The following MYO10 variants were observed in gnomAD, a reference collection of about 807,000 sequenced individuals.
MYO10 encodes the protein unconventional myosin-X.
A neutral mutation model predicts 257.3 loss-of-function variants in MYO10; 133 were observed. The observed-to-expected ratio is 0.52, with a 90% confidence interval of 0.45 to 0.60. The LOEUF is 0.60. MYO10 is among the 20% of genes least tolerant of loss of function. The pLI is 0.00. For synonymous variants in MYO10, 1,104 were observed against 1,028.6 expected (o/e 1.07, Z -1.40); for missense variants, 2,399 against 2,635.7 (o/e 0.91, Z 1.97).
At chr5:16,883,109 G>C (rs1309776338) in intron 1 of MYO10, among the ~76,000 whole-genome samples, 1 of 151,928 alleles carries the variant, frequency 6.6e-6, no homozygotes, top group East Asian at 1.9e-4. Context: ...TAGAGACGAG[G>C]TTTCACCGTG....
At chr5:16,842,453 C>A (rs775238679) in intron 2 of MYO10, among the ~76,000 whole-genome samples, 3 of 152,162 alleles carry the variant, frequency 2.0e-5, no homozygotes, top group Non-Finnish European at 4.4e-5. Flanking sequence ...GAAGTCATAT[C>A]CTCACCAGCC....
chr5:16,822,353 ATTGT>A (rs1742846283), intron 2 of MYO10, among the ~76,000 whole-genome samples: 1 of 152,216 alleles, frequency 6.6e-6, no homozygotes, highest in South Asian at 2.1e-4. Context: ...ATTTTTAAAC[ATTGT>A]TTGGCTGGTG....
rs1744644389 is a variant in MYO10, at chr5:16,877,646, G to A, written c.83C>T (p.Ala28Val). The A allele has an allele frequency of 1.2e-6, 2 of 1,613,784 alleles. No homozygotes were observed. Among genetic ancestry groups the A allele is most frequent in the East Asian group, 4.5e-5 (2 of 44,872 alleles). The change falls in exon 2 of 41, where the codon GCA becomes GTA. Residue 28 changes from alanine (A) to valine (V), a missense_variant. By Grantham distance (64) the Ala-to-Val change is moderately conservative (BLOSUM62 0). Transcript: ENST00000513610. ...TGTCCGGAAGACGACGATGCCTTCT[G>A]CACAGGAATTTACAGTACTTGGAAA... ...QHFPSTVNSC[A>V]EGIVVFRTDY...
chr5:16,877,574 A>G (rs778025470), intron 2 of MYO10, 35 bp downstream of exon 2: 2 of 1,541,978 alleles, frequency 1.3e-6, no homozygotes, highest in Non-Finnish European at 1.8e-6. Flanking sequence ...AAAGCAGACC[A>G]TGGATGTTGG....
intron 2 of MYO10, among the ~76,000 whole-genome samples, chr5:16,864,616 T>A (rs1408869826): frequency 6.6e-6 from 1 of 152,146 alleles, no homozygotes; most frequent in Non-Finnish European, 1.5e-5. Flanking sequence ...CCTGCTTGAG[T>A]GAGAGTCTCC....
At chr5:16,729,799 A>C (rs995561974) in intron 19 of MYO10, among the ~76,000 whole-genome samples, 4 of 151,998 alleles carry the variant, frequency 2.6e-5, no homozygotes, top group African/African-American at 9.7e-5. Context: ...AAGAACTCCA[A>C]CTGTACCCCA....
intron 8 of MYO10, 95 bp downstream of exon 8, chr5:16,780,429 G>GT (rs1398323769): frequency 1.3e-5 from 15 of 1,167,126 alleles, no homozygotes; most frequent in Middle Eastern, 2.3e-4. Context: ...TCGGTGAAAT[G>GT]TCAACATTAA....
intron 2 of MYO10, among the ~76,000 whole-genome samples, chr5:16,825,224 T>C (rs185811760): frequency 6.6e-6 from 1 of 152,306 alleles, no homozygotes; most frequent in East Asian, 1.9e-4. Flanking sequence ...TCAAATGCTA[T>C]CCTCTCGGAA....
chr5:16,791,545 T>TACACACACACAC (rs71595985), intron 4 of MYO10, among the ~76,000 whole-genome samples: 13 of 35,604 alleles, frequency 3.7e-4, no homozygotes, highest in East Asian at 1.5e-3. Flanking sequence ...AATACATACA[T>TACACACACACAC]ACACACACAC....
At chr5:16,702,220 G>A (rs1269830464) in intron 24 of MYO10, among the ~76,000 whole-genome samples, 3 of 152,174 alleles carry the variant, frequency 2.0e-5, no homozygotes, top group South Asian at 2.1e-4. Flanking sequence ...TTGCAGTTCC[G>A]GCCTCCAGAG....
At chr5:16,695,797 T>C (rs1277182977) in intron 26 of MYO10, among the ~76,000 whole-genome samples, 2 of 152,326 alleles carry the variant, frequency 1.3e-5, no homozygotes, top group East Asian at 1.9e-4. Context: ...TCCTATCCTT[T>C]TATGCGTTCA....
chr5:16,711,241 G>C lies in MYO10; in HGVS notation c.1934C>G (p.Pro645Arg). ...CACAACCGCCTGGTCAAACTGGTCT[G>C]GCATCTAAACCATGCAAAAAAAAAA... ...RCIKPNMQKMPDQFDQAVVLN... is the reference protein window; with the variant it reads ...RCIKPNMQKMRDQFDQAVVLN... Residue 645 changes from proline to arginine, a missense_variant, in exon 20 of 41, where the codon CCA (proline) becomes CGA (arginine). Around this residue, in one of 3 missense-constraint regions of MYO10, gnomAD observed 1,820 missense variants for 1,939.4 expected, o/e 0.94. Transcript: ENST00000513610. The C allele has an allele frequency of 6.3e-7, 1 of 1,583,352 alleles. No homozygotes were observed. Among genetic ancestry groups the C allele is most frequent in the Admixed American group, 1.8e-5 (1 of 55,052 alleles).
At chr5:16,773,878 G>A (rs920110554) in intron 9 of MYO10, among the ~76,000 whole-genome samples, 1 of 152,098 alleles carries the variant, frequency 6.6e-6, no homozygotes, top group Non-Finnish European at 1.5e-5. Flanking sequence ...AAGTGATTGG[G>A]CAAGTAGTTA....
intron 19 of MYO10, among the ~76,000 whole-genome samples, chr5:16,737,171 G>A (rs1313710409): frequency 6.6e-6 from 1 of 152,142 alleles, no homozygotes; most frequent in Non-Finnish European, 1.5e-5. Context: ...GAGGGTGAGG[G>A]GAAAAATGTT....
chr5:16,802,269 T>A (rs1246488932), intron 3 of MYO10, among the ~76,000 whole-genome samples: 4 of 152,150 alleles, frequency 2.6e-5, no homozygotes, highest in Admixed American at 1.3e-4. Context: ...GTAACGTAAA[T>A]ATACTTAACG....
chr5:16,761,003 AT>A (rs1740695752), intron 17 of MYO10, among the ~76,000 whole-genome samples: 1 of 151,420 alleles, frequency 6.6e-6, no homozygotes, highest in African/African-American at 2.4e-5. Context: ...TTATTTATTT[AT>A]TTTGAGACAG....
intron 3 of MYO10, among the ~76,000 whole-genome samples, chr5:16,802,302 C>T (rs1053248245): frequency 5.3e-5 from 8 of 151,904 alleles, no homozygotes; most frequent in Admixed American, 2.6e-4. Flanking sequence ...GCATTAACAA[C>T]GGCTGTGATA....
intron 19 of MYO10, among the ~76,000 whole-genome samples, chr5:16,740,217 T>C (rs1204492170): frequency 6.6e-6 from 1 of 151,962 alleles, no homozygotes; most frequent in Admixed American, 6.6e-5. Context: ...GGGAGGCTGA[T>C]GGGGATTTGG....
At chr5:16,918,830 G>A (rs1416436057) in intron 1 of MYO10, among the ~76,000 whole-genome samples, 12 of 152,152 alleles carry the variant, frequency 7.9e-5, no homozygotes, top group Admixed American at 7.2e-4. Flanking sequence ...GCCCTCACTC[G>A]GAACAGGGAT....
Sources: gnomAD v4.1 joint callset for allele counts (sites outside exome capture counted in the v4.1 genomes callset) on GRCh38, gnomAD v4.1.1 for gene constraint, gnomAD v4.1.1 regional missense constraint, MANE v1.5 for transcripts, NCBI Gene and HGNC (gene_info 2026-07-23, HGNC 2026-07-21) for gene names.